MRPS31: variants seen among roughly 807,000 people sequenced by gnomAD.
MRPS31 encodes the protein mitochondrial ribosomal protein S31, also known as small ribosomal subunit protein mS31.
MRPS31 carries 32 observed loss-of-function variants against 43.1 expected under a neutral mutation model. The observed-to-expected ratio is 0.74, with a 90% CI of 0.56 to 1.00. MRPS31 has a LOEUF of 1.00. Ranked by LOEUF, MRPS31 falls within the 50% of genes least tolerant of loss-of-function variation. The pLI, the probability that MRPS31 is intolerant of heterozygous loss-of-function variation, is 0.00. For synonymous variants in MRPS31, 165 were observed against 161.6 expected (o/e 1.02, Z -0.16); for missense variants, 437 against 466.7 (o/e 0.94, Z 0.59).
chr13:40,735,748 CAGAA>C (rs1158550885), intron 6 of MRPS31, among the ~76,000 whole-genome samples: 1 of 150,686 alleles, frequency 6.6e-6, no homozygotes, highest in African/African-American at 2.4e-5. Context: ...AACTAACAAA[CAGAA>C]AGGACATCCA....
intron 6 of MRPS31, among the ~76,000 whole-genome samples, chr13:40,733,004 T>G (rs1205790832): frequency 2.8e-5 from 4 of 143,860 alleles, no homozygotes; most frequent in African/African-American, 5.2e-5. Context: ...GTTTTTTTTT[T>G]TTTTTTTTTT....
chr13:40,752,938 T>C (rs35469886), intron 5 of MRPS31, among the ~76,000 whole-genome samples: 1,608 of 152,282 alleles, frequency 0.011, 9 homozygotes, highest in Non-Finnish European at 0.018. Context: ...AGGGGCTATG[T>C]TGCCCAGGCT....
intron 6 of MRPS31, among the ~76,000 whole-genome samples, chr13:40,735,351 G>C (rs1274375785): frequency 6.6e-6 from 1 of 152,190 alleles, no homozygotes; most frequent in Non-Finnish European, 1.5e-5. Context: ...GTGAGGCTGC[G>C]GGAGGGGCGC....
At chr13:40,762,782 T>TTGTG (rs60906711) in intron 2 of MRPS31, among the ~76,000 whole-genome samples, 50 of 129,890 alleles carry the variant, frequency 3.8e-4, no homozygotes, top group Admixed American at 1.6e-3. Context: ...AGTATAGACA[T>TTGTG]TGTGTGTGTG....
Position 40,737,332 on chromosome 13 carries a change from T to C in MRPS31, c.959-7731A>G, listed in dbSNP as rs1290790155. Among the ~76,000 whole-genome samples the C allele has an allele frequency of 5.9e-5, 9 of 152,076 alleles. No individual in the cohort carries two copies. The East Asian group carries it at 1.7e-3, about 29-fold the overall frequency. On this transcript the variant is annotated intron_variant, in intron 6 of 6. Coordinates refer to ENST00000323563, the MANE Select transcript of MRPS31 (RefSeq NM_005830.4). ...ACTTAAGACTCCCACACATTAATAA[T>C]GGGAGACTTTAACACCCCACTGTCA...
In MRPS31 at chr13:40,766,789, G is replaced by C; in HGVS notation, c.397C>G (p.Leu133Val). ...RRPLKSLEAT[L>V]GRLRRATEYA... Reference sequence around the variant, plus strand: ...TCTGTAGCTCTTCGAAGCCTGCCAAGTGTAGCTTCCAAACTTTTAAGTGGT... The same window carrying C: ...TCTGTAGCTCTTCGAAGCCTGCCAACTGTAGCTTCCAAACTTTTAAGTGGT... Residue 133 changes from leucine to valine, a missense_variant, in exon 2 of 7, where the codon CTT (leucine) becomes GTT (valine). Coordinates refer to ENST00000323563, the MANE Select transcript of MRPS31 (RefSeq NM_005830.4). 1.2e-6 allele frequency: 2 copies of C among 1,613,552 alleles called. No individual in the cohort carries two copies. Among genetic ancestry groups the C allele is most frequent in the African/African-American group, 1.3e-5 (1 of 74,916 alleles).
chr13:40,747,087 CT>C (rs904212041), intron 6 of MRPS31, among the ~76,000 whole-genome samples: 1 of 150,006 alleles, frequency 6.7e-6, no homozygotes, highest in Non-Finnish European at 1.5e-5. Context: ...TTCTTTCTTT[CT>C]TTTTTTTTGA....
At chr13:40,753,525 G>T (rs570906549) in intron 5 of MRPS31, among the ~76,000 whole-genome samples, 221 of 152,170 alleles carry the variant, frequency 1.5e-3, no homozygotes, top group Admixed American at 2.6e-3. Context: ...CCCCCACCAG[G>T]TTACTTAAGA....
At chr13:40,749,303 G>C in intron 5 of MRPS31, 22 bp from the exon 6 acceptor site, 1 of 1,523,882 alleles carries the variant, frequency 6.6e-7, no homozygotes, top group South Asian at 1.3e-5. Flanking sequence ...AGACATTTTA[G>C]ATAACAACAA....
chr13:40,747,080 T>G (rs1042724256), intron 6 of MRPS31, among the ~76,000 whole-genome samples: 1 of 152,094 alleles, frequency 6.6e-6, no homozygotes, highest in Non-Finnish European at 1.5e-5. Flanking sequence ...TTTTTCTTTC[T>G]TTCTTTCTTT....
intron 5 of MRPS31, among the ~76,000 whole-genome samples, chr13:40,749,942 G>A (rs755328077): frequency 2.0e-5 from 3 of 152,074 alleles, no homozygotes; most frequent in Non-Finnish European, 4.4e-5. Flanking sequence ...CAACCACCTT[G>A]GAAAACAGTT....
chr13:40,769,648 TC>T (rs1880953038), intron 1 of MRPS31, among the ~76,000 whole-genome samples: 1 of 151,874 alleles, frequency 6.6e-6, no homozygotes, highest in Non-Finnish European at 1.5e-5. Context: ...TATGGTACAA[TC>T]TATTTAAGAA....
In MRPS31 at chr13:40,759,048, GGAGA is replaced by G; in HGVS notation, c.495_498del (p.Pro167LeufsTer11). On this transcript the variant is annotated frameshift_variant, in exon 3 of 7. Transcript: ENST00000323563. LOFTEE classifies it high-confidence loss of function. ...GACTTGGTTGTTTGCTTATCAAAAG[GGAGA>G]GAATCTGCCACAGCAGATGCAGCTG... 1 of 1,608,504 alleles carries G rather than the reference GGAGA, an allele frequency of 6.2e-7. No individual in the cohort carries two copies. Among genetic ancestry groups the G allele is most frequent in the South Asian group, 1.1e-5 (1 of 89,696 alleles).
At chr13:40,729,899 T>C (rs1196247113) in intron 6 of MRPS31, among the ~76,000 whole-genome samples, 1 of 151,858 alleles carries the variant, frequency 6.6e-6, no homozygotes, top group African/African-American at 2.4e-5. Context: ...CCAGCTAATT[T>C]TTTTATTTTT....
chr13:40,768,535 G>C (rs1880913231), intron 1 of MRPS31, among the ~76,000 whole-genome samples: 1 of 151,988 alleles, frequency 6.6e-6, no homozygotes, highest in Admixed American at 6.6e-5. Context: ...CCTGAGCTCA[G>C]GTGATCCTCC....
chr13:40,750,745 TATA>T (rs1880365431), intron 5 of MRPS31, among the ~76,000 whole-genome samples: 5 of 19,794 alleles, frequency 2.5e-4, no homozygotes, highest in South Asian at 2.0e-3. Context: ...TCCCATTTTA[TATA>T]TATATATATA....
In MRPS31 at chr13:40,771,129, G is replaced by A; in HGVS notation, c.8C>T (p.Pro3Leu). The change falls in exon 1 of 7, where the codon CCT (proline) becomes CTT (leucine). Residue 3 changes from proline to leucine, a missense_variant. Coordinates refer to ENST00000323563, the MANE Select transcript of MRPS31 (RefSeq NM_005830.4). MF[P>L]RVSTFLPLRP... Reference sequence around the variant, plus strand: ...AAGAGGTAGGAACGTCGAGACTCTAGGAAACATCGCCGAGACACGAAATGA... The same window carrying A: ...AAGAGGTAGGAACGTCGAGACTCTAAGAAACATCGCCGAGACACGAAATGA... 2 of 1,602,964 alleles carry A rather than the reference G, an allele frequency of 1.2e-6. No homozygotes were observed. Among genetic ancestry groups the A allele is most frequent in the Non-Finnish European group, 1.7e-6 (2 of 1,173,342 alleles).
At chr13:40,744,659 C>T (rs2138001868) in intron 6 of MRPS31, among the ~76,000 whole-genome samples, 1 of 152,000 alleles carries the variant, frequency 6.6e-6, no homozygotes, top group East Asian at 1.9e-4. Context: ...AATGTATGTT[C>T]ACTGCAGCAC....
At chr13:40,768,258 CT>C (rs1253098832) in intron 1 of MRPS31, among the ~76,000 whole-genome samples, 2 of 152,258 alleles carry the variant, frequency 1.3e-5, no homozygotes, top group East Asian at 3.9e-4. Context: ...GGGCACTATA[CT>C]AGGTACTGAC....
Sources: allele counts gnomAD v4.1 joint callset (sites outside exome capture counted in the v4.1 genomes callset), GRCh38; gene constraint gnomAD v4.1.1; transcripts MANE v1.5; gene names NCBI Gene and HGNC (gene_info 2026-07-23, HGNC 2026-07-21).